The following MYOM1 variants were observed in gnomAD, a reference collection of about 807,000 sequenced individuals.
MYOM1 encodes myomesin 1, also known as myomesin-1.
MYOM1 carries 164 observed loss-of-function variants against 205.3 expected under a neutral mutation model. That is an observed-to-expected ratio of 0.80 (90% confidence interval 0.70 to 0.91). MYOM1 has a LOEUF of 0.91. Among genes scored for constraint, MYOM1 ranks in the 40% least tolerant of loss-of-function variants. MYOM1 has a pLI of 0.00. For synonymous variants in MYOM1, 772 were observed against 789.4 expected (o/e 0.98, Z 0.37); for missense variants, 2,011 against 2,127.3 (o/e 0.95, Z 1.08).
intron 4 of MYOM1, among the ~76,000 whole-genome samples, chr18:3,188,328 A>G (rs762883819): frequency 3.3e-5 from 5 of 152,154 alleles, no homozygotes; most frequent in Non-Finnish European, 5.9e-5. Flanking sequence ...TTCATTTGAA[A>G]CAAATCAGCT....
chr18:3,140,284 G>A (rs2080029482), intron 14 of MYOM1, among the ~76,000 whole-genome samples: 1 of 152,002 alleles, frequency 6.6e-6, no homozygotes, highest in African/African-American at 2.4e-5. Flanking sequence ...GCTCACGCCT[G>A]TAATCCCAGC....
chr18:3,246,947 G>A, the MYOM1 span: 2 of 152,172 alleles, frequency 1.3e-5, no homozygotes, highest in Admixed American at 1.3e-4. Context: ...ATTGTTCTAG[G>A]CAAGCAGACC....
intron 2 of MYOM1, among the ~76,000 whole-genome samples, chr18:3,197,670 G>A (rs12326799): frequency 4.0e-5 from 6 of 151,322 alleles, no homozygotes; most frequent in South Asian, 4.2e-4. Context: ...TCAGGAGATC[G>A]AGACCATCCT....
intron 25 of MYOM1, among the ~76,000 whole-genome samples, chr18:3,098,259 ATTTATTTTAT>A: frequency 6.6e-6 from 1 of 152,070 alleles, no homozygotes; most frequent in Admixed American, 6.5e-5. Flanking sequence ...CTCTTACAGC[ATTTATTTTAT>A]TTTATTTTTA....
Position 3,135,037 on chromosome 18 carries a change from C to A in MYOM1, c.2210-213G>T. On this transcript the variant is annotated intron_variant, in intron 15 of 37. Coordinates refer to ENST00000356443, the MANE Select transcript of MYOM1 (RefSeq NM_003803.4). This position sits in a 1 kb window ranked among gnomAD's most constrained non-coding sequence, Gnocchi z 4.1. Reference sequence around the variant, plus strand: ...GATCTCGGCTCACTGCAGCCCCCACCTCCTGGGTTCAGGCAATTTTCCCAC... The same window carrying A: ...GATCTCGGCTCACTGCAGCCCCCACATCCTGGGTTCAGGCAATTTTCCCAC... 2.1e-6 allele frequency: 1 copy of A among 474,798 alleles called. No individual in the cohort carries two copies. The highest frequency in any genetic ancestry group is 3.8e-6 in the Non-Finnish European group (1 of 263,980). 29.4% of individuals were successfully genotyped at this position (474,798 alleles called of 1,614,324 possible).
At chr18:3,237,484 AGCTACTTGGG>A in the MYOM1 span, among the ~76,000 whole-genome samples, 1 of 151,448 alleles carries the variant, frequency 6.6e-6, no homozygotes, top group Non-Finnish European at 1.5e-5. Context: ...CTGGAATCCC[AGCTACTTGGG>A]AGGCTGAGGC....
intron 5 of MYOM1, among the ~76,000 whole-genome samples, chr18:3,183,381 AGG>A (rs528606561): frequency 5.8e-4 from 89 of 152,262 alleles, no homozygotes; most frequent in African/African-American, 2.1e-3. Flanking sequence ...GGTAACCTCT[AGG>A]TTCCACATGA....
chr18:3,116,429 G>C lies in MYOM1; in HGVS notation c.3205C>G (p.Pro1069Ala). ...WKPPVHSGRT[P>A]VTGYFVDLKE... Reference sequence around the variant, plus strand: ...AAGTCCACGAAGTAACCAGTGACCGGAGTCCGCCCGGAGTGGACTGGCGGC... The same window carrying C: ...AAGTCCACGAAGTAACCAGTGACCGCAGTCCGCCCGGAGTGGACTGGCGGC... Residue 1069 changes from proline (P) to alanine (A), a missense_variant, in exon 21 of 38, where the codon CCG becomes GCG. Physicochemically the swap from Pro to Ala is conservative, Grantham distance 27. Transcript: ENST00000356443. 1 of 1,613,824 alleles carries C rather than the reference G, an allele frequency of 6.2e-7. No individual in the cohort carries two copies. Among genetic ancestry groups the C allele is most frequent in the Non-Finnish European group, 8.5e-7 (1 of 1,179,836 alleles).
intron 14 of MYOM1, among the ~76,000 whole-genome samples, 180 bp downstream of exon 14, chr18:3,141,759 C>T (rs1302893638): frequency 6.6e-6 from 1 of 152,126 alleles, no homozygotes; most frequent in Non-Finnish European, 1.5e-5. Context: ...GATTTTCAGG[C>T]ACAGTTCTGT....
At chr18:3,174,068 A>C (rs1375489989) in intron 7 of MYOM1, 52 bp downstream of exon 7, 4 of 1,594,414 alleles carry the variant, frequency 2.5e-6, no homozygotes, top group East Asian at 4.5e-5. Context: ...CATGGGAAGA[A>C]ATTTTTAAAA....
In MYOM1 at chr18:3,100,337, T is replaced by C. The variant is rs748819463; in HGVS notation, c.3665A>G (p.Tyr1222Cys). ...VTDTDGIASS[Y>C]LIDEEELKRL... ...AAACTTACCTTCCTCATCTATTAAG[T>C]AGCTTGATGCTATTCCATCAGTGTC... The change falls in exon 24 of 38, where the codon TAC becomes TGC. Residue 1222 changes from tyrosine (Y) to cysteine (C), a missense_variant. Coordinates refer to ENST00000356443, the MANE Select transcript of MYOM1 (RefSeq NM_003803.4). 2.9e-5 allele frequency: 47 copies of C among 1,613,818 alleles called. No individual in the cohort carries two copies. The East Asian group carries it at 5.6e-4, about 19-fold the overall frequency.
Position 3,185,823 on chromosome 18 carries a change from T to C in MYOM1, c.929+1657A>G, listed in dbSNP as rs975785491. Among the ~76,000 whole-genome samples the C allele has an allele frequency of 5.3e-5, 8 of 152,274 alleles. No homozygotes were observed. The South Asian group carries it at 1.4e-3, about 28-fold the overall frequency. On this transcript the variant is annotated intron_variant, in intron 5 of 37. Coordinates refer to ENST00000356443, the MANE Select transcript of MYOM1 (RefSeq NM_003803.4). ...AAGCCCTGAAAAGAGTTTACATACA[T>C]AGAAAAATTGTAAGTAAATCCAAAA...
chr18:3,160,045 TCTCCTC>T (rs548995240), intron 10 of MYOM1, among the ~76,000 whole-genome samples: 4 of 148,042 alleles, frequency 2.7e-5, no homozygotes, highest in African/African-American at 5.0e-5. Context: ...TCCTCCTCCT[TCTCCTC>T]CTCCTCCTCC....
chr18:3,154,715 A>ATATG (rs759218887), intron 11 of MYOM1, among the ~76,000 whole-genome samples: 1 of 151,986 alleles, frequency 6.6e-6, no homozygotes, highest in Admixed American at 6.6e-5. Context: ...GTATGTGTAT[A>ATATG]TATGTATGTA....
At position 3,174,180 on chromosome 18, in the gene MYOM1, G is replaced by T. The variant is rs375848036; in HGVS notation, c.1051C>A (p.Arg351=). 1 of 1,613,862 alleles carries T rather than the reference G, an allele frequency of 6.2e-7. No individual in the cohort carries two copies. Among genetic ancestry groups the T allele is most frequent in the Non-Finnish European group, 8.5e-7 (1 of 1,179,844 alleles). Residue 351 remains arginine (R), a synonymous_variant, in exon 7 of 38, where the codon CGG becomes AGG. Coordinates refer to ENST00000356443, the MANE Select transcript of MYOM1 (RefSeq NM_003803.4). ...GCDFEDTAQY[R]ASAMNVKGEL... The stretch of plus-strand genomic sequence containing the variant: ...CCTTTAACATTCATCGCCGAGGCCC[G>T]GTACTGAGCTGTATCTTCAAAATCA...
rs1207361268 is a variant in MYOM1, at chr18:3,152,722, A to G, written c.1644-829T>C. ...GAGCAGAGTGCTGTACTTTTAGCTCATATCATTTCCCCAACATGGGCTCTA... is the reference window on the plus strand; with the variant it reads ...GAGCAGAGTGCTGTACTTTTAGCTCGTATCATTTCCCCAACATGGGCTCTA... On this transcript the variant is annotated intron_variant, in intron 11 of 37. Coordinates refer to ENST00000356443, the MANE Select transcript of MYOM1 (RefSeq NM_003803.4). The surrounding 1 kb of genome is among the most constrained non-coding windows in gnomAD (Gnocchi z 4.3). Among the ~76,000 whole-genome samples, 1 of 152,164 alleles carries G rather than the reference A, an allele frequency of 6.6e-6. No individual in the cohort carries two copies. Among genetic ancestry groups the G allele is most frequent in the Non-Finnish European group, 1.5e-5 (1 of 68,026 alleles).
chr18:3,198,698 G>A (rs1004545553), intron 2 of MYOM1, among the ~76,000 whole-genome samples: 2 of 151,654 alleles, frequency 1.3e-5, no homozygotes, highest in Admixed American at 6.6e-5. Context: ...GCAGAGAACT[G>A]CTTCAACCCG....
chr18:3,146,797 A>T (rs2080129106), intron 13 of MYOM1, among the ~76,000 whole-genome samples: 1 of 151,966 alleles, frequency 6.6e-6, no homozygotes. Flanking sequence ...AATAAAAGGT[A>T]TCCAGATTGA....
At chr18:3,226,440 C>A in the MYOM1 span, among the ~76,000 whole-genome samples, 1 of 152,154 alleles carries the variant, frequency 6.6e-6, no homozygotes, top group Non-Finnish European at 1.5e-5. This position sits in a 1 kb window ranked among gnomAD's most constrained non-coding sequence, Gnocchi z 4.6. Flanking sequence ...CGCCCCTCTC[C>A]ATTCCCCTGC....
Sources: allele counts gnomAD v4.1 joint callset (sites outside exome capture counted in the v4.1 genomes callset), GRCh38; gene constraint gnomAD v4.1.1; non-coding constraint Gnocchi (gnomAD v3.1); transcripts MANE v1.5; gene names NCBI Gene and HGNC (gene_info 2026-07-23, HGNC 2026-07-21).